The following MYH15 variants were observed in gnomAD, a reference collection of about 807,000 sequenced individuals.
The protein encoded by MYH15 is myosin heavy chain 15.
MYH15 carries 227 observed loss-of-function variants against 240.5 expected under a neutral mutation model. The ratio of observed to expected loss-of-function variants is 0.94; its 90% CI spans 0.85 to 1.05. The LOEUF is 1.05. Among genes scored for constraint, MYH15 ranks in the 50% least tolerant of loss-of-function variants. The pLI, the probability that MYH15 is intolerant of heterozygous loss-of-function variation, is 0.00. For missense variants in MYH15, 2,217 were observed against 2,247.5 expected (o/e 0.99, Z 0.27); for synonymous variants, 785 against 796.7 (o/e 0.99, Z 0.25).
At chr3:108,535,270 G>C in the MYH15 span, among the ~76,000 whole-genome samples, 1 of 152,026 alleles carries the variant, frequency 6.6e-6, no homozygotes, top group Non-Finnish European at 1.5e-5. Flanking sequence ...CTCACAAACA[G>C]CAGAAATTTA....
chr3:108,506,235 T>G (rs2083474642), intron 1 of MYH15, among the ~76,000 whole-genome samples: 1 of 152,076 alleles, frequency 6.6e-6, no homozygotes, highest in South Asian at 2.1e-4. Flanking sequence ...AGTGAAAATT[T>G]AGATTAATGG....
At chr3:108,530,131 T>A (rs1410095413), upstream of MYH15, among the ~76,000 whole-genome samples, 1 of 152,214 alleles carries the variant, frequency 6.6e-6, no homozygotes, top group African/African-American at 2.4e-5. Context: ...AAGGGTTTCA[T>A]GTCAATAGTG....
chr3:108,520,302 A>C (rs1440372366), intron 1 of MYH15, among the ~76,000 whole-genome samples: 2 of 152,146 alleles, frequency 1.3e-5, no homozygotes, highest in Non-Finnish European at 2.9e-5. Flanking sequence ...TCGTATAACA[A>C]CCCCCATGCG....
At chr3:108,475,744 C>T (rs1270978763) in intron 12 of MYH15, among the ~76,000 whole-genome samples, 5 of 152,182 alleles carry the variant, frequency 3.3e-5, no homozygotes, top group Admixed American at 2.0e-4. Context: ...TTTTCCCTTA[C>T]ACACTACAGA....
chr3:108,399,268 C>G lies in MYH15; in HGVS notation c.4737-1G>C. 6.2e-7 allele frequency: 1 copy of G among 1,605,828 alleles called. No individual in the cohort carries two copies. Among genetic ancestry groups the G allele is most frequent in the Non-Finnish European group, 8.5e-7 (1 of 1,174,174 alleles). On this transcript the variant is annotated splice_acceptor_variant, in intron 33 of 40. Coordinates refer to ENST00000693548, the MANE Select transcript of MYH15 (RefSeq NM_014981.3). LOFTEE classifies it high-confidence loss of function. Reference sequence around the variant, plus strand: ...GTCAATGGTACACTGCTGCTTCCTCCTAATTTGAAATAACATTTGGAGTGG... The same window carrying G: ...GTCAATGGTACACTGCTGCTTCCTCGTAATTTGAAATAACATTTGGAGTGG...
intron 25 of MYH15, among the ~76,000 whole-genome samples, chr3:108,433,591 T>C (rs1481923797): frequency 6.6e-6 from 1 of 152,128 alleles, no homozygotes; most frequent in African/African-American, 2.4e-5. Context: ...TGGGAGGTAA[T>C]TGAATCATGG....
At chr3:108,515,826 T>C (rs1215027983) in intron 1 of MYH15, among the ~76,000 whole-genome samples, 2 of 152,180 alleles carry the variant, frequency 1.3e-5, no homozygotes, top group Admixed American at 6.6e-5. Flanking sequence ...AAAATCATAA[T>C]GGAGGATGGT....
intron 21 of MYH15, among the ~76,000 whole-genome samples, chr3:108,445,702 A>T (rs2107572147): frequency 6.6e-6 from 1 of 152,308 alleles, no homozygotes; most frequent in Middle Eastern, 3.4e-3. Flanking sequence ...TATAATAAAA[A>T]GTTTGATGAA....
chr3:108,445,953 T>G (rs1304750630), intron 21 of MYH15, among the ~76,000 whole-genome samples: 2 of 151,540 alleles, frequency 1.3e-5, no homozygotes, highest in Non-Finnish European at 2.9e-5. Context: ...AAAAAACTAG[T>G]GAATTGAGAA....
chr3:108,492,672 C>A, intron 8 of MYH15, 77 bp from the exon 9 acceptor site: 2 of 1,030,708 alleles, frequency 1.9e-6, no homozygotes, highest in East Asian at 2.5e-5. Flanking sequence ...TCAGGCTGAG[C>A]GCAGTGGCTC....
intron 27 of MYH15, among the ~76,000 whole-genome samples, chr3:108,427,287 A>C (rs1020010509): frequency 1.3e-5 from 2 of 152,246 alleles, no homozygotes; most frequent in Non-Finnish European, 2.9e-5. Flanking sequence ...CCTAAAATTC[A>C]TGTTGAAAGA....
intron 1 of MYH15, among the ~76,000 whole-genome samples, chr3:108,509,227 T>C (rs1420520189): frequency 6.6e-6 from 1 of 152,174 alleles, no homozygotes; most frequent in Admixed American, 6.5e-5. Flanking sequence ...GATTGTTTGG[T>C]CCAAAAAATT....
intron 35 of MYH15, among the ~76,000 whole-genome samples, chr3:108,397,413 G>A (rs771053486): frequency 1.3e-5 from 2 of 152,162 alleles, no homozygotes; most frequent in Non-Finnish European, 2.9e-5. Context: ...GAAGCATACT[G>A]TGCAGCTACC....
At chr3:108,390,518 A>G (rs1026657085) in intron 37 of MYH15, among the ~76,000 whole-genome samples, 8 of 152,188 alleles carry the variant, frequency 5.3e-5, no homozygotes, top group Non-Finnish European at 1.2e-4. Context: ...CTCTTATACC[A>G]AAAATCTTGG....
intron 1 of MYH15, among the ~76,000 whole-genome samples, chr3:108,526,302 A>G (rs1222847206): frequency 6.6e-6 from 1 of 152,210 alleles, no homozygotes; most frequent in Non-Finnish European, 1.5e-5. Flanking sequence ...TTGCACATAG[A>G]GCTTCTATTA....
chr3:108,384,762 ATTC>A lies in MYH15; in HGVS notation c.5553_5555del (p.Lys1851del). 1 of 1,613,798 alleles carries A rather than the reference ATTC, an allele frequency of 6.2e-7. No individual in the cohort carries two copies. The highest frequency in any genetic ancestry group is 1.7e-4 in the Middle Eastern group (1 of 6,056). On this transcript the variant is annotated inframe_deletion, in exon 39 of 41. Transcript: ENST00000693548. ...CCATCTGAGTTTGCATCCTGCTCAG[ATTC>A]TTCTTGTCTTCCTCTGCCTGCAATA...
intron 37 of MYH15, among the ~76,000 whole-genome samples, chr3:108,391,443 G>A (rs1257267152): frequency 6.6e-6 from 1 of 152,154 alleles, no homozygotes; most frequent in Non-Finnish European, 1.5e-5. Context: ...AAGACTGCCA[G>A]GGGTGTGTTT....
chr3:108,495,936 G>T, intron 6 of MYH15, 64 bp from the exon 7 acceptor site: 3 of 1,251,780 alleles, frequency 2.4e-6, no homozygotes, highest in South Asian at 1.4e-5. Flanking sequence ...AATGCGGCAA[G>T]CCCTCCATCT....
rs759391413 is a variant in MYH15 at position 108,398,756 on chromosome 3, G to T, written c.5014C>A (p.Leu1672Ile). 1 of 1,614,152 alleles carries T rather than the reference G, an allele frequency of 6.2e-7. No individual in the cohort carries two copies. Among genetic ancestry groups the T allele is most frequent in the Non-Finnish European group, 8.5e-7 (1 of 1,180,014 alleles). ...QVAVAERRNSLLQSELEDLRS... is the reference protein window; with the variant it reads ...QVAVAERRNSILQSELEDLRS... ...AGATCCTCTAGTTCAGACTGAAGAA[G>T]AGAGTTGCGCCGCTCAGCCACAGCC... is the stretch of plus-strand genomic sequence containing the variant. Residue 1672 changes from leucine (L) to isoleucine (I), a missense_variant, in exon 35 of 41, where the codon CTT becomes ATT. Physicochemically the swap from Leu to Ile is conservative, Grantham distance 5. Transcript: ENST00000693548.
Sources: allele counts gnomAD v4.1 joint callset (sites outside exome capture counted in the v4.1 genomes callset), GRCh38; gene constraint gnomAD v4.1.1; transcripts MANE v1.5; gene names NCBI Gene and HGNC (gene_info 2026-07-23, HGNC 2026-07-21).